Variants in LRRK1 observed in about 807,000 individuals in gnomAD.
LRRK1 encodes the protein leucine-rich repeat serine/threonine-protein kinase 1.
A neutral mutation model predicts 209.1 loss-of-function variants in LRRK1; 113 were observed. The ratio of observed to expected loss-of-function variants is 0.54; its 90% CI spans 0.46 to 0.63. The LOEUF (loss-of-function observed/expected upper bound fraction) is 0.63. LRRK1 is among the 30% of genes least tolerant of loss of function. The pLI is 0.00. For missense variants in LRRK1, 2,284 were observed against 2,632.2 expected (o/e 0.87, Z 2.89); for synonymous variants, 1,144 against 1,099.7 (o/e 1.04, Z -0.80).
chr15:100,979,519 A>G (rs972873761), intron 3 of LRRK1, among the ~76,000 whole-genome samples: 5 of 152,032 alleles, frequency 3.3e-5, no homozygotes, highest in African/African-American at 1.2e-4. Context: ...TGTGTGGATC[A>G]CATGACAATC....
Position 101,057,982 on chromosome 15 carries a change from T to C in LRRK1, c.4528-8T>C, listed in dbSNP as rs769266648. 6.2e-7 allele frequency: 1 copy of C among 1,613,952 alleles called. No individual in the cohort carries two copies. Among genetic ancestry groups the C allele is most frequent in the South Asian group, 1.1e-5 (1 of 91,054 alleles). On this transcript the variant is annotated splice_region_variant and splice_polypyrimidine_tract_variant and intron_variant, in intron 28 of 33. Coordinates refer to ENST00000388948, the MANE Select transcript of LRRK1 (RefSeq NM_024652.6). ...CCTTGCTCTCTTCTGGTGGCTTCTC[T>C]CCCTCAGCGACCGCTGGCCCTGTCG...
Position 101,012,156 on chromosome 15 carries a change from T to C in LRRK1, c.1419+11T>C. ...CTTTTCCAGCTTGATGTAAGCCTAA[T>C]AGCCCTTTCTTTCTCATTTTCGGCT... On this transcript the variant is annotated intron_variant, in intron 10 of 33. Coordinates refer to ENST00000388948, the MANE Select transcript of LRRK1 (RefSeq NM_024652.6). The C allele has an allele frequency of 6.3e-7, 1 of 1,583,684 alleles. No homozygotes were observed. The highest frequency in any genetic ancestry group is 1.9e-5 in the Admixed American group (1 of 51,914).
At position 101,069,179 on chromosome 15, in the gene LRRK1, G is replaced by A. The variant is rs1472721224; in HGVS notation, c.*331G>A. ...GGGGTGCAGGATCCTGTTCTGAGCT[G>A]GGTCAAACAAAGCAGGGCCGGGCCT... On this transcript the variant is annotated 3_prime_UTR_variant, in exon 34 of 34. Coordinates refer to ENST00000388948, the MANE Select transcript of LRRK1 (RefSeq NM_024652.6). The A allele has an allele frequency of 9.9e-6, 2 of 201,548 alleles. No individual in the cohort carries two copies. Among genetic ancestry groups the A allele is most frequent in the Admixed American group, 1.1e-4 (2 of 17,474 alleles). 12.5% of individuals were successfully genotyped at this position (201,548 alleles called of 1,614,324 possible). A position where few individuals can be genotyped will look rare whatever the true frequency, so the allele number is the denominator to read the frequency against.
chr15:100,968,046 A>G (rs957625839), intron 2 of LRRK1, among the ~76,000 whole-genome samples: 1 of 152,216 alleles, frequency 6.6e-6, no homozygotes, highest in Non-Finnish European at 1.5e-5. Flanking sequence ...AGGAAAACTC[A>G]CTGTCTACCA....
rs753452515 is a variant in LRRK1 at position 101,053,457 on chromosome 15, C to T, written c.4054+37C>T. On this transcript the variant is annotated intron_variant, in intron 26 of 33. Coordinates refer to ENST00000388948, the MANE Select transcript of LRRK1 (RefSeq NM_024652.6). ...CGCCGCCCCACCCGGCCCCGGAGAC[C>T]GACAGAGCCCCGGGCGCCTCCTGCC... 66 of 1,522,480 alleles carry T rather than the reference C, an allele frequency of 4.3e-5. No individual in the cohort carries two copies. The Middle Eastern group carries it at 8.6e-4, about 20-fold the overall frequency. 94.3% of individuals were successfully genotyped at this position (1,522,480 alleles called of 1,614,324 possible). A position where few individuals can be genotyped will look rare whatever the true frequency, so the allele number is the denominator to read the frequency against.
chr15:100,922,939 G>A (rs573732651), intron 1 of LRRK1, among the ~76,000 whole-genome samples: 130 of 152,320 alleles, frequency 8.5e-4, no homozygotes, highest in Admixed American at 5.0e-3. Context: ...AGGTGCCTGA[G>A]TTCTAGGCTT....
In LRRK1 at chr15:101,062,698, C is replaced by T. The variant is rs768236424; in HGVS notation, c.4914+8C>T. On this transcript the variant is annotated splice_region_variant and intron_variant, in intron 31 of 33. Transcript: ENST00000388948. ...GTGCCTGTTATTAAAAAGGTGAGGTCGGGGCAAAGGCAGGTATGCAGGTCT... is the reference window on the plus strand; with the variant it reads ...GTGCCTGTTATTAAAAAGGTGAGGTTGGGGCAAAGGCAGGTATGCAGGTCT... 8.2e-6 allele frequency: 13 copies of T among 1,592,994 alleles called. No individual in the cohort carries two copies. The highest frequency in any genetic ancestry group is 1.7e-4 in the Middle Eastern group (1 of 6,020).
chr15:101,000,414 C>A (rs368845537), intron 6 of LRRK1, among the ~76,000 whole-genome samples: 12 of 152,348 alleles, frequency 7.9e-5, no homozygotes, highest in African/African-American at 2.9e-4. Context: ...CCCAACCTCC[C>A]CTCTCTTCCC....
intron 2 of LRRK1, among the ~76,000 whole-genome samples, chr15:100,962,794 CATATATATATAT>C (rs769399875): frequency 2.5e-5 from 1 of 39,412 alleles, no homozygotes; most frequent in Admixed American, 3.6e-4. Flanking sequence ...TTTCATTTTG[CATATATATATAT>C]ATATATATAT....
At position 101,034,720 on chromosome 15, in the gene LRRK1, T is replaced by C. The variant is rs564119380; in HGVS notation, c.2963+5488T>C. Among the ~76,000 whole-genome samples the C allele has an allele frequency of 3.9e-5, 6 of 152,306 alleles. No homozygotes were observed. In the South Asian group the frequency reaches 8.3e-4, roughly 21 times the overall value. ...CCAGCTTTGTTCTTTTTGCTCAGGA[T>C]TGCTTTAGCTATTCAATCTCTTGTT... is the stretch of plus-strand genomic sequence containing the variant. On this transcript the variant is annotated intron_variant, in intron 20 of 33. Transcript: ENST00000388948.
chr15:100,961,393 G>A (rs879729945), intron 2 of LRRK1, among the ~76,000 whole-genome samples: 11 of 152,166 alleles, frequency 7.2e-5, no homozygotes, highest in African/African-American at 1.2e-4. Context: ...GGTGGCTCAC[G>A]CCTGTAATCC....
Position 101,029,032 on chromosome 15 carries a change from C to G in LRRK1, c.2763C>G (p.Phe921Leu). The G allele has an allele frequency of 6.2e-7, 1 of 1,614,212 alleles. No homozygotes were observed. The highest frequency in any genetic ancestry group is 8.5e-7 in the Non-Finnish European group (1 of 1,180,032). The stretch of plus-strand genomic sequence containing the variant: ...GCCACGGCCTGAGGAACCTCTACTT[C>G]CTCGACCCTATTTGGCTCTCCGAAT... ...DTSHGLRNLY[F>L]LDPIWLSECL... Residue 921 changes from phenylalanine to leucine, a missense_variant, in exon 20 of 34, where the codon TTC (phenylalanine) becomes TTG (leucine). Coordinates refer to ENST00000388948, the MANE Select transcript of LRRK1 (RefSeq NM_024652.6).
At chr15:100,988,473 T>C (rs951977820) in intron 4 of LRRK1, 161 bp from the exon 5 acceptor site, 5 of 718,318 alleles carry the variant, frequency 7.0e-6, no homozygotes, top group Non-Finnish European at 1.2e-5. Flanking sequence ...GCAAAGTACA[T>C]GATCTCATTC....
rs754733732 is a variant in LRRK1, at chr15:101,008,938, C to G, written c.864C>G (p.Asn288Lys). 1.9e-6 allele frequency: 3 copies of G among 1,614,210 alleles called. No individual in the cohort carries two copies. In the South Asian group the frequency reaches 3.3e-5, roughly 18 times the overall value. ...CQITELDLSA[N>K]CLATLPSVIP... ...TCACGGAGCTCGACCTTTCTGCCAA[C>G]TGCCTGGCGACCCTCCCCTCGGTTA... Residue 288 changes from asparagine to lysine, a missense_variant, in exon 7 of 34, where the codon AAC (asparagine) becomes AAG (lysine). Asn to Lys is a moderately conservative substitution (Grantham distance 94). This residue lies in a region of LRRK1 where 494 missense variants were observed against 522.1 expected (regional missense o/e 0.95). Coordinates refer to ENST00000388948, the MANE Select transcript of LRRK1 (RefSeq NM_024652.6).
At chr15:100,972,361 AGAGTGTGTGT>A (rs1333044954) in intron 2 of LRRK1, among the ~76,000 whole-genome samples, 5 of 84,016 alleles carry the variant, frequency 6.0e-5, no homozygotes, top group East Asian at 5.7e-4. Context: ...AGAGAGAGAG[AGAGTGTGTGT>A]GTGTGTGTGT....
At chr15:100,945,087 C>T (rs1027357997) in intron 2 of LRRK1, among the ~76,000 whole-genome samples, 4 of 152,312 alleles carry the variant, frequency 2.6e-5, no homozygotes, top group South Asian at 2.1e-4. Flanking sequence ...CTCCTCTTCA[C>T]GGGCATTTGG....
rs148462881 is a variant in LRRK1, at chr15:100,961,751, G to T, written c.98-12053G>T. Among the ~76,000 whole-genome samples the T allele has an allele frequency of 9.8e-3, 1,487 of 152,122 alleles. 31 individuals are homozygous for T. The highest frequency in any genetic ancestry group is 0.034 in the African/African-American group (1,390 of 41,480). ...TGGGGGTCCAAATCTCAGCTCTGTT[G>T]TTGGGAGCTGGGTGGGGGAAGTTTC... On this transcript the variant is annotated intron_variant, in intron 2 of 33. Coordinates refer to ENST00000388948, the MANE Select transcript of LRRK1 (RefSeq NM_024652.6).
intron 1 of LRRK1, among the ~76,000 whole-genome samples, chr15:100,924,039 C>T (rs528251549): frequency 1.2e-4 from 18 of 152,212 alleles, no homozygotes; most frequent in Non-Finnish European, 2.2e-4. Flanking sequence ...CTTGGGATGA[C>T]GTGCTCACCT....
At position 101,021,714 on chromosome 15, in the gene LRRK1, A is replaced by G. The variant is rs2033795594; in HGVS notation, c.1740-131A>G. The G allele has an allele frequency of 3.4e-5, 21 of 610,444 alleles. No homozygotes were observed. In the South Asian group the frequency reaches 4.3e-4, roughly 13 times the overall value. The allele number at this position is 610,444 out of a possible 1,614,324, so 37.8% of individuals were successfully genotyped here. A position where few individuals can be genotyped will look rare whatever the true frequency, so the allele number is the denominator to read the frequency against. ...AGCCTTTGGAATTAGTGTTGAAATC[A>G]GGGCTCAAAGTGTGGGGTCTGGGGT... On this transcript the variant is annotated intron_variant, in intron 13 of 33. Transcript: ENST00000388948.
Sources: allele counts gnomAD v4.1 joint callset (sites outside exome capture counted in the v4.1 genomes callset), GRCh38; gene constraint gnomAD v4.1.1; regional missense constraint gnomAD v4.1.1; transcripts MANE v1.5; gene names NCBI Gene and HGNC (gene_info 2026-07-23, HGNC 2026-07-21).